The following SMOC1 variants were observed in gnomAD, a reference collection of about 807,000 sequenced individuals.
The protein encoded by SMOC1 is SPARC related modular calcium binding 1.
Under a neutral mutation model 56.3 loss-of-function variants are expected in SMOC1, and 22 were observed. The observed-to-expected ratio is 0.39, with a 90% CI of 0.28 to 0.56. The LOEUF is 0.56. SMOC1 is among the 20% of genes least tolerant of loss of function. SMOC1 has a pLI of 0.61. For synonymous variants in SMOC1, 193 were observed against 215.0 expected (o/e 0.90, Z 0.89); for missense variants, 509 against 565.4 (o/e 0.90, Z 1.01).
At chr14:69,965,377 A>AAATAATAATAATAATAAT (rs544015097) in intron 3 of SMOC1, among the ~76,000 whole-genome samples, 10,151 of 113,720 alleles carry the variant, frequency 0.089, 451 homozygotes, top group Middle Eastern at 0.14. Context: ...CAAGACTCTC[A>AAATAATAATAATAATAAT]AATAATAATA....
intron 1 of SMOC1, among the ~76,000 whole-genome samples, chr14:69,896,796 C>T (rs1055328547): frequency 1.3e-5 from 2 of 152,210 alleles, no homozygotes; most frequent in Non-Finnish European, 2.9e-5. Context: ...GCTATGGCTT[C>T]TCTTCCAGGC....
chr14:70,011,389 G>A, intron 8 of SMOC1, 96 bp from the exon 9 acceptor site: 1 of 1,216,578 alleles, frequency 8.2e-7, no homozygotes, highest in Non-Finnish European at 1.2e-6. Context: ...AGTGCTTTAG[G>A]CTTGGTGACA....
At chr14:70,008,621 C>T (rs1885225527) in intron 7 of SMOC1, among the ~76,000 whole-genome samples, 1 of 152,184 alleles carries the variant, frequency 6.6e-6, no homozygotes, top group Admixed American at 6.5e-5. Flanking sequence ...AAGTCAGGTT[C>T]ATTATTTGCT....
At chr14:69,965,531 G>C (rs1229614050) in intron 3 of SMOC1, among the ~76,000 whole-genome samples, 1 of 152,116 alleles carries the variant, frequency 6.6e-6, no homozygotes. Flanking sequence ...TAAAGAGTAG[G>C]ATTCTGACTC....
chr14:70,010,812 T>G lies in SMOC1; in HGVS notation c.723T>G (p.Asn241Lys). 6 of 1,614,196 alleles carry G rather than the reference T, an allele frequency of 3.7e-6. No individual in the cohort carries two copies. The highest frequency in any genetic ancestry group is 5.1e-6 in the Non-Finnish European group (6 of 1,180,032). ...GTGCCCTGGAAGAGGCCCAGCAGAA[T>G]CCCCGTGAGGGTATTGTCATCCCTG... Reference protein sequence around the residue: ...RQSALEEAQQNPREGIVIPEC... With the variant: ...RQSALEEAQQKPREGIVIPEC... The change falls in exon 8 of 12, where the codon AAT becomes AAG. Residue 241 changes from asparagine to lysine, a missense_variant. This residue lies in a region of SMOC1 where 315 missense variants were observed against 333.1 expected (regional missense o/e 0.95). Coordinates refer to ENST00000361956, the MANE Select transcript of SMOC1 (RefSeq NM_001034852.3).
chr14:70,011,934 A>G (rs549929965), intron 9 of SMOC1, among the ~76,000 whole-genome samples: 1 of 152,326 alleles, frequency 6.6e-6, no homozygotes, highest in East Asian at 1.9e-4. Flanking sequence ...AGCGATGTGG[A>G]CAGTGTCTGT....
chr14:69,894,829 G>T (rs1409102709), intron 1 of SMOC1, among the ~76,000 whole-genome samples: 2 of 152,154 alleles, frequency 1.3e-5, no homozygotes, highest in Non-Finnish European at 2.9e-5. Flanking sequence ...GAAAGAGTTT[G>T]GAAAATTTCA....
intron 1 of SMOC1, among the ~76,000 whole-genome samples, chr14:69,899,340 T>C (rs1403826085): frequency 6.6e-6 from 1 of 152,178 alleles, no homozygotes; most frequent in East Asian, 1.9e-4. Context: ...GGTTGGATCC[T>C]TCATGAATGA....
Position 69,883,119 on chromosome 14 carries a change from A to G in SMOC1, c.99+3342A>G, listed in dbSNP as rs74455586. On this transcript the variant is annotated intron_variant, in intron 1 of 11. Transcript: ENST00000361956. ...CTAATTAATGATAGCATTACCTCGC[A>G]TAATTATTATTTTTGTGGTGAGAGC... 2.4e-3 allele frequency among the ~76,000 whole-genome samples: 367 copies of G among 152,384 alleles called. 15 individuals carry two copies. The East Asian group carries it at 0.068, about 28-fold the overall frequency.
chr14:69,969,521 C>T (rs1047525168), intron 3 of SMOC1, among the ~76,000 whole-genome samples: 2 of 152,108 alleles, frequency 1.3e-5, no homozygotes, highest in Non-Finnish European at 2.9e-5. Context: ...CAAGAACTCA[C>T]CCGCTGTCGT....
At chr14:69,932,422 C>T (rs995337530) in intron 1 of SMOC1, among the ~76,000 whole-genome samples, 1 of 152,218 alleles carries the variant, frequency 6.6e-6, no homozygotes, top group East Asian at 1.9e-4. Context: ...CCTCCTGTCC[C>T]TGGGGCTGGG....
chr14:69,931,444 T>A (rs777973028), intron 1 of SMOC1, among the ~76,000 whole-genome samples: 5 of 152,250 alleles, frequency 3.3e-5, no homozygotes, highest in Non-Finnish European at 7.3e-5. Context: ...TCCTTGTTTG[T>A]TGGTCTTTTC....
At chr14:69,880,352 AC>A (rs139364585) in intron 1 of SMOC1, among the ~76,000 whole-genome samples, 1,730 of 152,198 alleles carry the variant, frequency 0.011, 27 homozygotes, top group African/African-American at 0.039. Flanking sequence ...GAGGTGGGGT[AC>A]TGTAAAGAGG....
chr14:69,937,282 A>T (rs2139406412), intron 1 of SMOC1, among the ~76,000 whole-genome samples: 1 of 152,336 alleles, frequency 6.6e-6, no homozygotes, highest in South Asian at 2.1e-4. Flanking sequence ...CCCATGTTTG[A>T]GGGAAATCTG....
intron 3 of SMOC1, among the ~76,000 whole-genome samples, chr14:69,970,306 C>T (rs933126556): frequency 1.3e-5 from 2 of 152,162 alleles, no homozygotes; most frequent in Admixed American, 6.5e-5. Context: ...TGAGAGCTTT[C>T]CATCTGCCGG....
intron 2 of SMOC1, 89 bp downstream of exon 2, chr14:69,952,392 T>C: frequency 6.6e-7 from 1 of 1,506,974 alleles, no homozygotes; most frequent in Non-Finnish European, 9.1e-7. Context: ...AAGCTTGGAG[T>C]AAGTCTGTCC....
At chr14:69,880,142 C>T (rs1323025725) in intron 1 of SMOC1, among the ~76,000 whole-genome samples, 1 of 146,274 alleles carries the variant, frequency 6.8e-6, no homozygotes, top group African/African-American at 2.5e-5. Flanking sequence ...CGCTGGCGCC[C>T]GGTCCAGCGC....
At chr14:69,965,404 T>TAATAATGATAATAATAATAAA (rs761154559) in intron 3 of SMOC1, among the ~76,000 whole-genome samples, 1 of 149,400 alleles carries the variant, frequency 6.7e-6, no homozygotes, top group Non-Finnish European at 1.5e-5. Flanking sequence ...ATAATAATAA[T>TAATAATGATAATAATAATAAA]AAAAAGATGA....
At chr14:69,899,277 T>C (rs1419143725) in intron 1 of SMOC1, among the ~76,000 whole-genome samples, 4 of 152,334 alleles carry the variant, frequency 2.6e-5, no homozygotes, top group South Asian at 4.1e-4. Flanking sequence ...TCATGTTCAA[T>C]TGTAATCCCC....
Sources: gnomAD v4.1 joint callset for allele counts (sites outside exome capture counted in the v4.1 genomes callset) on GRCh38, gnomAD v4.1.1 for gene constraint, gnomAD v4.1.1 regional missense constraint, MANE v1.5 for transcripts, NCBI Gene and HGNC (gene_info 2026-07-23, HGNC 2026-07-21) for gene names.